CTIF: variants seen among roughly 807,000 people sequenced by gnomAD.
The protein encoded by CTIF is cap binding complex dependent translation initiation factor.
Under a neutral mutation model 66.0 loss-of-function variants are expected in CTIF, and 21 were observed. The ratio of observed to expected loss-of-function variants is 0.32; its 90% CI spans 0.23 to 0.46. The LOEUF is 0.46. CTIF is among the 20% of genes least tolerant of loss of function. The pLI is 1.00. For synonymous variants in CTIF, 345 were observed against 326.4 expected (o/e 1.06, Z -0.62); for missense variants, 739 against 812.7 (o/e 0.91, Z 1.10).
At chr18:48,698,764 C>T (rs1299324940) in intron 6 of CTIF, among the ~76,000 whole-genome samples, 1 of 152,156 alleles carries the variant, frequency 6.6e-6, no homozygotes, top group African/African-American at 2.4e-5. Context: ...GCATTATCCC[C>T]TTCCTATGGT....
At chr18:48,616,893 A>G (rs2090410436) in intron 1 of CTIF, among the ~76,000 whole-genome samples, 2 of 152,208 alleles carry the variant, frequency 1.3e-5, no homozygotes, top group South Asian at 4.1e-4. Context: ...GTGTGAGCAA[A>G]AGCACAGAGG....
chr18:48,677,587 G>T (rs2091652238), intron 6 of CTIF, among the ~76,000 whole-genome samples: 1 of 152,094 alleles, frequency 6.6e-6, no homozygotes, highest in Admixed American at 6.6e-5. Context: ...TACTGTTATT[G>T]ACCTCACTTT....
In CTIF at chr18:48,707,903, G is replaced by T. The variant is rs535899923; in HGVS notation, c.508-3716G>T. 2.6e-5 allele frequency among the ~76,000 whole-genome samples: 4 copies of T among 152,170 alleles called. No homozygotes were observed. The South Asian group carries it at 8.3e-4, about 32-fold the overall frequency. On this transcript the variant is annotated intron_variant, in intron 6 of 11. Coordinates refer to ENST00000256413, the MANE Select transcript of CTIF (RefSeq NM_014772.3). ...CCCCTTCCCAGCCCCTGGCAACCAC[G>T]GATCCACTTTCCATCTCTGCAGATA...
chr18:48,776,555 G>A (rs942773337), intron 9 of CTIF, among the ~76,000 whole-genome samples: 1 of 152,386 alleles, frequency 6.6e-6, no homozygotes, highest in Admixed American at 6.5e-5. Context: ...CTCAACTAAT[G>A]TCACCGTCTG....
intron 6 of CTIF, among the ~76,000 whole-genome samples, chr18:48,685,630 G>A (rs2091827354): frequency 1.3e-5 from 2 of 152,052 alleles, no homozygotes; most frequent in African/African-American, 4.8e-5. Context: ...TGACCAACTG[G>A]TTAAGATAGT....
Position 48,859,357 on chromosome 18 carries a change from G to T in CTIF, c.1595G>T (p.Gly532Val). 1 of 1,614,066 alleles carries T rather than the reference G, an allele frequency of 6.2e-7. No homozygotes were observed. Among genetic ancestry groups the T allele is most frequent in the Non-Finnish European group, 8.5e-7 (1 of 1,180,016 alleles). The change falls in exon 12 of 12, where the codon GGC (glycine) becomes GTC (valine). Residue 532 changes from glycine to valine, a missense_variant. Physicochemically the swap from Gly to Val is moderately radical, Grantham distance 109. Around this residue, in one of 2 missense-constraint regions of CTIF, gnomAD observed 210 missense variants for 292.3 expected, o/e 0.72. Transcript: ENST00000256413. ...LCCSMELQST[G>V]RLLEEQLPEM... is the part of the protein sequence containing the mutation. ...CTCTGTCTGCAGCTGCAGAGTACAG[G>T]CCGGCTGCTGGAGGAACAGCTGCCT...
At chr18:48,662,513 C>G (rs549577275) in intron 3 of CTIF, 1 of 152,064 alleles carries the variant, frequency 6.6e-6, no homozygotes, top group African/African-American at 2.4e-5. Context: ...TCCATAAGCC[C>G]TCCACCTCTC....
intron 1 of CTIF, among the ~76,000 whole-genome samples, chr18:48,550,793 C>T (rs1014037440): frequency 2.0e-5 from 3 of 152,242 alleles, no homozygotes; most frequent in East Asian, 3.9e-4. Flanking sequence ...AGGGTGGTGC[C>T]GGCCACAGGG....
intron 7 of CTIF, among the ~76,000 whole-genome samples, chr18:48,717,091 A>C (rs535121098): frequency 6.6e-6 from 1 of 152,254 alleles, no homozygotes; most frequent in Non-Finnish European, 1.5e-5. Flanking sequence ...GTGTCTTCTA[A>C]ATGTAGAACC....
At chr18:48,668,785 G>A (rs1021053666) in intron 5 of CTIF, among the ~76,000 whole-genome samples, 2 of 152,038 alleles carry the variant, frequency 1.3e-5, no homozygotes, top group Non-Finnish European at 2.9e-5. Context: ...AGTTCTAGAC[G>A]CTGCTCCTTG....
intron 7 of CTIF, among the ~76,000 whole-genome samples, chr18:48,724,224 A>G (rs1185644746): frequency 1.3e-5 from 2 of 152,202 alleles, no homozygotes; most frequent in African/African-American, 4.8e-5. Context: ...GTAGGTGGAC[A>G]CAGACTCACC....
intron 6 of CTIF, among the ~76,000 whole-genome samples, chr18:48,688,080 A>T (rs1192292535): frequency 6.6e-6 from 1 of 152,254 alleles, no homozygotes; most frequent in Admixed American, 6.5e-5. Flanking sequence ...CCTTAAGGAA[A>T]GTCAAGACAG....
intron 6 of CTIF, among the ~76,000 whole-genome samples, chr18:48,681,848 C>T (rs1442897814): frequency 3.9e-5 from 6 of 152,056 alleles, no homozygotes; most frequent in African/African-American, 1.2e-4. Context: ...TACAATGGCT[C>T]GATCTTGGCT....
chr18:48,557,260 G>T (rs914213979), intron 1 of CTIF, among the ~76,000 whole-genome samples: 3 of 152,178 alleles, frequency 2.0e-5, no homozygotes, highest in Non-Finnish European at 2.9e-5. Context: ...ACAGGTGTCA[G>T]TCACCCTTGG....
chr18:48,760,190 T>C (rs12969017), intron 8 of CTIF: 43,922 of 147,712 alleles, frequency 0.3, 7,405 homozygotes, highest in African/African-American at 0.48. Flanking sequence ...CCTTTCTTTT[T>C]TTTTTTTTTT....
intron 5 of CTIF, among the ~76,000 whole-genome samples, chr18:48,665,762 A>G (rs1022555731): frequency 2.0e-5 from 3 of 152,212 alleles, no homozygotes; most frequent in Non-Finnish European, 2.9e-5. Flanking sequence ...TTCCCTTGGC[A>G]TAATGTTTTT....
chr18:48,824,184 T>G (rs1320946613), intron 10 of CTIF, among the ~76,000 whole-genome samples: 3 of 152,088 alleles, frequency 2.0e-5, no homozygotes, highest in Non-Finnish European at 4.4e-5. Context: ...AGTAAAAAAC[T>G]TGTACACTGA....
At chr18:48,792,665 G>A (rs1178723058) in intron 9 of CTIF, among the ~76,000 whole-genome samples, 1 of 152,188 alleles carries the variant, frequency 6.6e-6, no homozygotes, top group Non-Finnish European at 1.5e-5. Context: ...TACTTTCAAG[G>A]AAGAGCTGAG....
intron 2 of CTIF, among the ~76,000 whole-genome samples, chr18:48,631,774 C>T (rs299712): frequency 0.075 from 11,334 of 152,116 alleles, 500 homozygotes; most frequent in Non-Finnish European, 0.095. Flanking sequence ...CCACGTTTCC[C>T]GCCTTTCTGT....
Sources: allele counts gnomAD v4.1 joint callset (sites outside exome capture counted in the v4.1 genomes callset), GRCh38; gene constraint gnomAD v4.1.1; regional missense constraint gnomAD v4.1.1; transcripts MANE v1.5; gene names NCBI Gene and HGNC (gene_info 2026-07-23, HGNC 2026-07-21).